GGACT: variants seen among roughly 807,000 people sequenced by gnomAD.
The protein encoded by GGACT is gamma-glutamylaminecyclotransferase.
For missense variants in GGACT, 241 were observed against 233.2 expected (o/e 1.03, Z -0.22); for synonymous variants, 118 against 115.3 (o/e 1.02, Z -0.15).
chr13:100,550,985 T>C (rs837311), intron 2 of GGACT, among the ~76,000 whole-genome samples: 1,596 of 152,296 alleles, frequency 0.01, 27 homozygotes, highest in African/African-American at 0.037. Flanking sequence ...AACTACTTTC[T>C]TAATTAAAAA....
At chr13:100,560,945 G>A (rs914505010) in intron 2 of GGACT, among the ~76,000 whole-genome samples, 9 of 152,134 alleles carry the variant, frequency 5.9e-5, no homozygotes, top group Non-Finnish European at 8.8e-5. Context: ...TGCGCACCCC[G>A]CATCTCCTCC....
At chr13:100,587,799 G>A (rs530168555) in intron 1 of GGACT, among the ~76,000 whole-genome samples, 247 of 152,330 alleles carry the variant, frequency 1.6e-3, no homozygotes, top group Non-Finnish European at 2.6e-3. Flanking sequence ...AGGCCAAGGC[G>A]GGCGGATCAC....
At position 100,539,933 on chromosome 13, in the gene GGACT, C is replaced by A; in HGVS notation, c.-10-7332G>T. 2.0e-6 allele frequency: 3 copies of A among 1,521,266 alleles called. No homozygotes were observed. In the East Asian group the frequency reaches 6.8e-5, roughly 34 times the overall value. The allele number at this position is 1,521,266 out of a possible 1,614,324, so 94.2% of individuals were successfully genotyped here. On this transcript the variant is annotated intron_variant, in intron 2 of 2. Coordinates refer to ENST00000683975, the MANE Select transcript of GGACT (RefSeq NM_001195087.2). Reference sequence around the variant, plus strand: ...GGCTTTGGTGGGGGACGTGGGGCAGCACCCGCAGGTCTAAATCGAGGTGGG... The same window carrying A: ...GGCTTTGGTGGGGGACGTGGGGCAGAACCCGCAGGTCTAAATCGAGGTGGG...
chr13:100,575,810 A>G (rs1480920027), intron 2 of GGACT, among the ~76,000 whole-genome samples: 3 of 152,200 alleles, frequency 2.0e-5, no homozygotes, highest in Non-Finnish European at 4.4e-5. Flanking sequence ...GTTAAAGGGC[A>G]TTCAAACAAA....
chr13:100,578,807 T>C (rs1361385337), intron 2 of GGACT: 1 of 152,214 alleles, frequency 6.6e-6, no homozygotes, highest in Non-Finnish European at 1.5e-5. Flanking sequence ...CAAAGAACAC[T>C]TTTCAAACCT....
intron 2 of GGACT, among the ~76,000 whole-genome samples, chr13:100,573,884 C>CGAA (rs1875169505): frequency 8.4e-6 from 1 of 119,204 alleles, no homozygotes; most frequent in Non-Finnish European, 1.8e-5. Flanking sequence ...ATCAAAAAGT[C>CGAA]AAAAAAAAAA....
intron 2 of GGACT, among the ~76,000 whole-genome samples, chr13:100,577,003 G>T (rs1391788646): frequency 6.6e-6 from 1 of 152,200 alleles, no homozygotes; most frequent in African/African-American, 2.4e-5. Context: ...AGAACACTCT[G>T]AATCAAATTA....
chr13:100,587,520 A>T (rs1317295770), intron 1 of GGACT, among the ~76,000 whole-genome samples: 1 of 152,216 alleles, frequency 6.6e-6, no homozygotes, highest in Non-Finnish European at 1.5e-5. Flanking sequence ...CAGGAAAACA[A>T]GGCATTTTGG....
In GGACT at chr13:100,532,254, G is replaced by A; in HGVS notation, c.338C>T (p.Ala113Val). ...CCTGCTGTACACGAAGCACTGCACC[G>A]CGGTGGGCGCTGGCGGCTCCTCTGC... The part of the protein sequence containing the change: ...PGAEEPPAPT[A>V]VQCFVYSRAT... Residue 113 changes from alanine to valine, a missense_variant, in exon 3 of 3, where the codon GCG (alanine) becomes GTG (valine). Ala to Val is a moderately conservative substitution (Grantham distance 64). Coordinates refer to ENST00000683975, the MANE Select transcript of GGACT (RefSeq NM_001195087.2). 6.6e-7 allele frequency: 1 copy of A among 1,523,408 alleles called. No homozygotes were observed. Among genetic ancestry groups the A allele is most frequent in the Non-Finnish European group, 8.9e-7 (1 of 1,129,904 alleles). The allele number at this position is 1,523,408 out of a possible 1,614,324, so 94.4% of individuals were successfully genotyped here.
chr13:100,544,022 G>A (rs1232967555), intron 2 of GGACT, among the ~76,000 whole-genome samples: 2 of 152,176 alleles, frequency 1.3e-5, no homozygotes, highest in Non-Finnish European at 2.9e-5. Context: ...CCCACACTGT[G>A]CCAGCCCTGA....
intron 2 of GGACT, among the ~76,000 whole-genome samples, chr13:100,559,233 G>A (rs2088736597): frequency 6.6e-6 from 1 of 152,160 alleles, no homozygotes; most frequent in Non-Finnish European, 1.5e-5. Flanking sequence ...TGTTGCCCAG[G>A]CTGGAGTGCA....
intron 1 of GGACT, among the ~76,000 whole-genome samples, chr13:100,585,254 G>A (rs1020359620): frequency 2.6e-5 from 4 of 152,236 alleles, no homozygotes; most frequent in Non-Finnish European, 5.9e-5. Flanking sequence ...CACAGCCTGC[G>A]GGTAAGTCCA....
At chr13:100,575,659 G>C (rs1329930902) in intron 2 of GGACT, among the ~76,000 whole-genome samples, 2 of 152,122 alleles carry the variant, frequency 1.3e-5, no homozygotes, top group African/African-American at 4.8e-5. Context: ...AGCTACTTGG[G>C]AGGCTGAGGC....
Position 100,532,155 on chromosome 13 carries a change from C to T in GGACT, c.437G>A (p.Arg146His), listed in dbSNP as rs926868561. The change falls in exon 3 of 3, where the codon CGC (arginine) becomes CAC (histidine). Residue 146 changes from arginine to histidine, a missense_variant. Physicochemically the swap from Arg to His is conservative, Grantham distance 29. Coordinates refer to ENST00000683975, the MANE Select transcript of GGACT (RefSeq NM_001195087.2). Reference sequence around the variant, plus strand: ...TTATCTGTTCTCCCGGGGGTTGTAGCGCAGCCCGTGCGGCCCCTCGGAGTC... The same window carrying T: ...TTATCTGTTCTCCCGGGGGTTGTAGTGCAGCCCGTGCGGCCCCTCGGAGTC... Reference protein sequence around the residue: ...SYDSEGPHGLRYNPRENR With the variant: ...SYDSEGPHGLHYNPRENR 13 of 1,456,238 alleles carry T rather than the reference C, an allele frequency of 8.9e-6. No individual in the cohort carries two copies. In the East Asian group the frequency reaches 2.3e-4, roughly 25 times the overall value. The allele number at this position is 1,456,238 out of a possible 1,614,324, so 90.2% of individuals were successfully genotyped here. A position where few individuals can be genotyped will look rare whatever the true frequency, so the allele number is the denominator to read the frequency against.
intron 2 of GGACT, among the ~76,000 whole-genome samples, chr13:100,582,008 A>G (rs1349702353): frequency 6.6e-6 from 1 of 152,226 alleles, no homozygotes; most frequent in Admixed American, 6.5e-5. Context: ...GTTGTAGTCC[A>G]GAAAAAGACT....
At chr13:100,535,577 C>T (rs916446854) in intron 2 of GGACT, among the ~76,000 whole-genome samples, 2 of 152,274 alleles carry the variant, frequency 1.3e-5, no homozygotes, top group East Asian at 1.9e-4. Flanking sequence ...TAGCGTGTGC[C>T]GCTGCTGTCA....
intron 2 of GGACT, among the ~76,000 whole-genome samples, chr13:100,544,450 C>T (rs113618857): frequency 1.6e-3 from 243 of 152,358 alleles, no homozygotes; most frequent in African/African-American, 5.5e-3. Context: ...AAGGCAAGGG[C>T]TTCCTGCTAA....
intron 2 of GGACT, among the ~76,000 whole-genome samples, chr13:100,548,155 C>T (rs1010513906): frequency 4.6e-5 from 7 of 152,226 alleles, no homozygotes; most frequent in Non-Finnish European, 4.4e-5. Flanking sequence ...GTTTCAACTC[C>T]GGCAGAAGGC....
In GGACT at chr13:100,545,118, C is replaced by A. The variant is rs965251829; in HGVS notation, c.-10-12517G>T. Among the ~76,000 whole-genome samples, 2 of 152,236 alleles carry A rather than the reference C, an allele frequency of 1.3e-5. No individual in the cohort carries two copies. Among genetic ancestry groups the A allele is most frequent in the South Asian group, 2.1e-4 (1 of 4,836 alleles). On this transcript the variant is annotated intron_variant, in intron 2 of 2. Transcript: ENST00000683975. The surrounding 1 kb of genome is among the most constrained non-coding windows in gnomAD (Gnocchi z 4.4). ...CGTCAACCTCGTCACACAGGGCCAA[C>A]CTGCAGGCACGGCCTCAGGAACCTG...
Sources: allele counts gnomAD v4.1 joint callset (sites outside exome capture counted in the v4.1 genomes callset), GRCh38; gene constraint gnomAD v4.1.1; non-coding constraint Gnocchi (gnomAD v3.1); transcripts MANE v1.5; gene names NCBI Gene and HGNC (gene_info 2026-07-23, HGNC 2026-07-21).